Variants in BBX observed in about 807,000 individuals in gnomAD.
BBX encodes the protein HMG box transcription factor BBX.
Under a neutral mutation model 100.2 loss-of-function variants are expected in BBX, and 30 were observed. The ratio of observed to expected loss-of-function variants is 0.30; its 90% CI spans 0.22 to 0.41. BBX has a LOEUF of 0.41. BBX is among the 10% of genes least tolerant of loss of function. BBX has a pLI of 1.00. For missense variants in BBX, 1,023 were observed against 1,129.8 expected, an observed-to-expected ratio of 0.91 and a Z score of 1.35; for synonymous variants, 376 against 388.1, an observed-to-expected ratio of 0.97 and a Z score of 0.37.
chr3:107,680,622 G>T (rs2059523577), intron 3 of BBX, among the ~76,000 whole-genome samples: 1 of 152,168 alleles, frequency 6.6e-6, no homozygotes, highest in Non-Finnish European at 1.5e-5. Context: ...GGGAGACCAT[G>T]TGTGATTCAA....
chr3:107,644,457 C>A (rs630850), intron 2 of BBX, among the ~76,000 whole-genome samples: 1 of 151,878 alleles, frequency 6.6e-6, no homozygotes, highest in Admixed American at 6.6e-5. Context: ...ATATTTAATG[C>A]TTCTTCTGTA....
At chr3:107,604,194 G>A (rs2054265408) in intron 2 of BBX, among the ~76,000 whole-genome samples, 1 of 152,122 alleles carries the variant, frequency 6.6e-6, no homozygotes, top group East Asian at 1.9e-4. Context: ...CTGATGTGTA[G>A]TCAGACTTGA....
intron 17 of BBX, 138 bp from the exon 18 acceptor site, chr3:107,805,232 A>C: frequency 9.8e-7 from 1 of 1,019,800 alleles, no homozygotes; most frequent in Non-Finnish European, 1.4e-6. Context: ...CTAAAGCAAA[A>C]ACAGTTTTCA....
At chr3:107,753,111 A>G (rs1380252926) in intron 9 of BBX, among the ~76,000 whole-genome samples, 1 of 152,204 alleles carries the variant, frequency 6.6e-6, no homozygotes, top group African/African-American at 2.4e-5. Context: ...GAAGAACCAC[A>G]AGGAGTGGCC....
chr3:107,586,860 C>G (rs1433187520), intron 2 of BBX, among the ~76,000 whole-genome samples: 1 of 151,996 alleles, frequency 6.6e-6, no homozygotes, highest in Non-Finnish European at 1.5e-5. Flanking sequence ...AAGCGATTCT[C>G]CTGCCTCAGC....
chr3:107,749,806 G>A (rs1263560929), intron 9 of BBX, among the ~76,000 whole-genome samples: 2 of 152,006 alleles, frequency 1.3e-5, no homozygotes, highest in African/African-American at 4.8e-5. Flanking sequence ...GCTAATTTTT[G>A]TATTTTTAGT....
At chr3:107,743,267 A>T (rs906854281) in intron 7 of BBX, among the ~76,000 whole-genome samples, 1 of 152,182 alleles carries the variant, frequency 6.6e-6, no homozygotes, top group Non-Finnish European at 1.5e-5. Flanking sequence ...TGATTTTTTT[A>T]AAATACCTCT....
chr3:107,565,832 GTTCTT>G (rs1354244805), intron 2 of BBX, among the ~76,000 whole-genome samples: 2 of 151,824 alleles, frequency 1.3e-5, no homozygotes, highest in South Asian at 4.2e-4. Flanking sequence ...GGTTAAGGAA[GTTCTT>G]TTCTTTTCTT....
intron 2 of BBX, among the ~76,000 whole-genome samples, chr3:107,637,152 A>C (rs1377922888): frequency 6.6e-6 from 1 of 152,214 alleles, no homozygotes; most frequent in East Asian, 1.9e-4. Context: ...TACTGTCTAC[A>C]CTGACATTAA....
At chr3:107,697,328 T>C (rs2060689358) in intron 3 of BBX, among the ~76,000 whole-genome samples, 1 of 151,864 alleles carries the variant, frequency 6.6e-6, no homozygotes, top group South Asian at 2.1e-4. Flanking sequence ...TCTTTGTGGT[T>C]TTATCTACTT....
At chr3:107,667,697 ATACAG>A (rs2058824926) in intron 3 of BBX, among the ~76,000 whole-genome samples, 1 of 152,028 alleles carries the variant, frequency 6.6e-6, no homozygotes. Flanking sequence ...ATTATCTATT[ATACAG>A]TAAAGTTGGT....
At chr3:107,765,687 G>A (rs961264168) in intron 10 of BBX, among the ~76,000 whole-genome samples, 3 of 152,140 alleles carry the variant, frequency 2.0e-5, no homozygotes, top group East Asian at 1.9e-4. Flanking sequence ...AGTGACCACC[G>A]ATGGCTGCCG....
intron 3 of BBX, among the ~76,000 whole-genome samples, chr3:107,673,198 C>T (rs576011827): frequency 6.6e-6 from 1 of 151,994 alleles, no homozygotes; most frequent in Non-Finnish European, 1.5e-5. Context: ...TTCACGTTAA[C>T]AGACTTTTGA....
chr3:107,709,655 C>G (rs890629826), intron 3 of BBX, among the ~76,000 whole-genome samples: 1 of 152,190 alleles, frequency 6.6e-6, no homozygotes, highest in African/African-American at 2.4e-5. Context: ...TGTGAGAAAA[C>G]ATACAGGAAA....
At position 107,700,416 on chromosome 3, in the gene BBX, T is replaced by G. The variant is rs2060950948; in HGVS notation, c.-9-10036T>G. On this transcript the variant is annotated intron_variant, in intron 3 of 17. Transcript: ENST00000325805. The stretch of plus-strand genomic sequence containing the variant: ...GCAAAGGTATTTTCTTTCATCATCA[T>G]TATTATTATTATTATTATTATTATT... Among the ~76,000 whole-genome samples, 10 of 28,026 alleles carry G rather than the reference T, an allele frequency of 3.6e-4. No homozygotes were observed. In the South Asian group the frequency reaches 9.1e-3, roughly 25 times the overall value. The allele number at this position is 28,026 out of a possible 152,430, so 18.4% of individuals were successfully genotyped here. A position where few individuals can be genotyped will look rare whatever the true frequency, so the allele number is the denominator to read the frequency against.
chr3:107,728,766 A>G lies in BBX; in HGVS notation c.407A>G (p.Tyr136Cys), dbSNP rs771614227. The G allele has an allele frequency of 8.1e-6, 13 of 1,611,762 alleles. No homozygotes were observed. The highest frequency in any genetic ancestry group is 2.2e-5 in the South Asian group (2 of 90,698). ...KQKYTDMAKEYKDAFMKANPG... is the reference protein window; with the variant it reads ...KQKYTDMAKECKDAFMKANPG... ...TGCTGTCTGTCGTTTTATTTATAGT[A>G]TAAGGATGCATTTATGAAAGCAAAT... The change falls in exon 6 of 18, where the codon TAT (tyrosine) becomes TGT (cysteine). Residue 136 changes from tyrosine (Y) to cysteine (C), a missense_variant and splice_region_variant. Tyr to Cys is a radical substitution (Grantham distance 194). Transcript: ENST00000325805.
At chr3:107,719,801 C>A (rs1173152012) in intron 5 of BBX, among the ~76,000 whole-genome samples, 1 of 152,020 alleles carries the variant, frequency 6.6e-6, no homozygotes, top group Non-Finnish European at 1.5e-5. Flanking sequence ...TTCCTTTTAA[C>A]ATCTTCATGT....
intron 2 of BBX, among the ~76,000 whole-genome samples, chr3:107,633,699 A>G (rs1305697977): frequency 6.6e-6 from 1 of 152,260 alleles, no homozygotes; most frequent in Non-Finnish European, 1.5e-5. Flanking sequence ...ATGGTTAGAA[A>G]GAATTTCCTC....
intron 3 of BBX, among the ~76,000 whole-genome samples, chr3:107,703,262 G>A (rs1187231091): frequency 6.6e-6 from 1 of 152,208 alleles, no homozygotes; most frequent in African/African-American, 2.4e-5. Context: ...TAGGAAAACA[G>A]AAGGTTGCAT....
Sources: allele counts gnomAD v4.1 joint callset (sites outside exome capture counted in the v4.1 genomes callset), GRCh38; gene constraint gnomAD v4.1.1; transcripts MANE v1.5; gene names NCBI Gene and HGNC (gene_info 2026-07-23, HGNC 2026-07-21).